The following PPARGC1A variants were observed in gnomAD, a reference collection of about 807,000 sequenced individuals.
PPARGC1A encodes peroxisome proliferator-activated receptor gamma coactivator 1-alpha.
Under a neutral mutation model 88.7 loss-of-function variants are expected in PPARGC1A, and 25 were observed. That is an observed-to-expected ratio of 0.28 (90% CI 0.21 to 0.39). The LOEUF (loss-of-function observed/expected upper bound fraction) is 0.39. Among genes scored for constraint, PPARGC1A ranks in the 10% least tolerant of loss-of-function variants. PPARGC1A has a pLI of 1.00. For missense variants in PPARGC1A, 880 were observed against 968.7 expected (o/e 0.91, Z 1.22); for synonymous variants, 363 against 355.6 (o/e 1.02, Z -0.24).
the PPARGC1A span, among the ~76,000 whole-genome samples, chr4:24,463,165 C>T: frequency 1.3e-4 from 20 of 152,154 alleles, no homozygotes; most frequent in East Asian, 3.5e-3. Context: ...AGGACTAAAT[C>T]GTGGGATCTA....
chr4:24,195,991 A>T, the PPARGC1A span, among the ~76,000 whole-genome samples: 1 of 152,220 alleles, frequency 6.6e-6, no homozygotes, highest in Non-Finnish European at 1.5e-5. Flanking sequence ...AGACCACACT[A>T]AATCTCTCTG....
the PPARGC1A span, among the ~76,000 whole-genome samples, chr4:24,377,944 A>G: frequency 6.6e-6 from 1 of 152,182 alleles, no homozygotes; most frequent in Non-Finnish European, 1.5e-5. Context: ...AGAATGTACA[A>G]TCTTTCTTTG....
At chr4:24,103,802 A>G in the PPARGC1A span, among the ~76,000 whole-genome samples, 1 of 152,180 alleles carries the variant, frequency 6.6e-6, no homozygotes, top group South Asian at 2.1e-4. Context: ...TCTTCAGCAG[A>G]CAGGGGAGGT....
At chr4:23,865,178 G>A (rs569032047) in intron 2 of PPARGC1A, among the ~76,000 whole-genome samples, 2 of 152,056 alleles carry the variant, frequency 1.3e-5, no homozygotes, top group Admixed American at 6.6e-5. Context: ...GAGTGAGACT[G>A]CCTCCAAAAG....
At chr4:24,471,239 G>A in the PPARGC1A span, among the ~76,000 whole-genome samples, 3 of 151,946 alleles carry the variant, frequency 2.0e-5, no homozygotes, top group African/African-American at 7.2e-5. This position sits in a 1 kb window ranked among gnomAD's most constrained non-coding sequence, Gnocchi z 5.4. Context: ...CCACCGAGTA[G>A]CTAATGCCTT....
chr4:24,143,684 T>C, the PPARGC1A span, among the ~76,000 whole-genome samples: 4 of 152,230 alleles, frequency 2.6e-5, no homozygotes, highest in Non-Finnish European at 5.9e-5. Context: ...ATGACTGTGC[T>C]AACTATTTTG....
At chr4:24,107,235 A>G in the PPARGC1A span, among the ~76,000 whole-genome samples, 2 of 152,266 alleles carry the variant, frequency 1.3e-5, no homozygotes, top group African/African-American at 4.8e-5. Flanking sequence ...TCACTTGTGT[A>G]ACTTTTTAAA....
upstream of PPARGC1A, among the ~76,000 whole-genome samples, chr4:23,907,885 T>C (rs1720242437): frequency 1.3e-5 from 2 of 152,172 alleles, no homozygotes; most frequent in African/African-American, 4.8e-5. Context: ...CACAAACATG[T>C]ATGGGAAGCA....
chr4:24,121,921 T>C, the PPARGC1A span, among the ~76,000 whole-genome samples: 1 of 152,186 alleles, frequency 6.6e-6, no homozygotes, highest in African/African-American at 2.4e-5. Context: ...GAGTTCCCTT[T>C]GTTCCTGAGA....
chr4:24,304,138 C>A, the PPARGC1A span, among the ~76,000 whole-genome samples: 1 of 152,172 alleles, frequency 6.6e-6, no homozygotes, highest in African/African-American at 2.4e-5. Flanking sequence ...ACTGAGAATA[C>A]ATTGTTCACT....
chr4:23,901,925 G>A (rs1719439128), upstream of PPARGC1A, among the ~76,000 whole-genome samples: 1 of 151,918 alleles, frequency 6.6e-6, no homozygotes. Flanking sequence ...GTGAAATGCT[G>A]GCAAGTTGCT....
the PPARGC1A span, among the ~76,000 whole-genome samples, chr4:23,914,119 GC>G: frequency 2.0e-5 from 3 of 152,158 alleles, no homozygotes; most frequent in Admixed American, 6.5e-5. Flanking sequence ...TCAGCTCTGT[GC>G]CAAGCACTAT....
the PPARGC1A span, among the ~76,000 whole-genome samples, chr4:24,065,156 A>G: frequency 6.6e-6 from 1 of 152,068 alleles, no homozygotes; most frequent in Non-Finnish European, 1.5e-5. Context: ...CCTGATTCAC[A>G]AGTTTGGAAG....
At chr4:24,214,933 A>G in the PPARGC1A span, among the ~76,000 whole-genome samples, 7 of 152,320 alleles carry the variant, frequency 4.6e-5, no homozygotes, top group Admixed American at 3.9e-4. Context: ...AACACCAAGT[A>G]TGTTGCCTTG....
chr4:23,926,941 T>G, the PPARGC1A span, among the ~76,000 whole-genome samples: 26 of 152,356 alleles, frequency 1.7e-4, no homozygotes, highest in Middle Eastern at 3.4e-3. Context: ...ATAACAATAA[T>G]TACTGAATAC....
the PPARGC1A span, among the ~76,000 whole-genome samples, chr4:24,152,044 T>C: frequency 4.6e-5 from 7 of 151,932 alleles, no homozygotes; most frequent in South Asian, 1.5e-3. Flanking sequence ...AAGGAAAGAG[T>C]TGTTTCTCAA....
chr4:24,002,097 C>CAGAG, the PPARGC1A span, among the ~76,000 whole-genome samples: 17,308 of 125,010 alleles, frequency 0.14, 1,593 homozygotes, highest in East Asian at 0.26. Flanking sequence ...CACACACACA[C>CAGAG]AGAGAGAGAG....
the PPARGC1A span, among the ~76,000 whole-genome samples, chr4:24,311,471 T>TA: frequency 6.8e-6 from 1 of 148,040 alleles, no homozygotes; most frequent in Admixed American, 6.7e-5. Flanking sequence ...CCATCTCTAC[T>TA]AAAAAAAAAA....
the PPARGC1A span, among the ~76,000 whole-genome samples, chr4:23,998,040 C>T: frequency 6.6e-6 from 1 of 152,258 alleles, no homozygotes; most frequent in African/African-American, 2.4e-5. Flanking sequence ...TATGAATCAA[C>T]TGGATAAATC....
Sources: allele counts gnomAD v4.1 joint callset (sites outside exome capture counted in the v4.1 genomes callset), GRCh38; gene constraint gnomAD v4.1.1; non-coding constraint Gnocchi (gnomAD v3.1); transcripts MANE v1.5; gene names NCBI Gene and HGNC (gene_info 2026-07-23, HGNC 2026-07-21).